Variants in RALGAPA1 observed in about 807,000 individuals in gnomAD.
RALGAPA1 encodes Ral GTPase activating protein catalytic subunit alpha 1.
A neutral mutation model predicts 269.6 loss-of-function variants in RALGAPA1; 52 were observed. The observed-to-expected ratio is 0.19, with a 90% CI of 0.15 to 0.24. The LOEUF is 0.24. Ranked by LOEUF, RALGAPA1 falls within the 10% of genes least tolerant of loss-of-function variation. The probability of loss-of-function intolerance (pLI) is 1.00; values close to 1 mark genes in which losing one functional copy is unlikely to be tolerated. For missense variants in RALGAPA1, 1,917 were observed against 3,013.9 expected, an observed-to-expected ratio of 0.64 and a Z score of 8.52; for synonymous variants, 817 against 1,008.3, an observed-to-expected ratio of 0.81 and a Z score of 3.60.
chr14:35,587,661 T>C (rs368983139), intron 37 of RALGAPA1, among the ~76,000 whole-genome samples: 23 of 151,630 alleles, frequency 1.5e-4, no homozygotes, highest in Middle Eastern at 3.4e-3. Flanking sequence ...TAGGTGAGAA[T>C]TGAACAATGA....
In RALGAPA1 at chr14:35,723,095, C is replaced by G; in HGVS notation, c.2036G>C (p.Ser679Thr). 2 of 1,609,654 alleles carry G rather than the reference C, an allele frequency of 1.2e-6. No homozygotes were observed. The highest frequency in any genetic ancestry group is 2.2e-5 in the East Asian group (1 of 44,820). ...LTKVLARNLY[S>T]LDLSDLPLDK... ...CAATGGTAAATCACTGAGATCCAAA[C>G]TATATAAATTCCTAGCTAAAACTTT... The change falls in exon 15 of 42, where the codon AGT becomes ACT. Residue 679 changes from serine (S) to threonine (T), a missense_variant. Physicochemically the swap from Ser to Thr is moderately conservative, Grantham distance 58. This residue lies in a region of RALGAPA1 where 40 missense variants were observed against 112.6 expected (regional missense o/e 0.36). Transcript: ENST00000680220.
At chr14:35,731,851 A>C (rs2070502162) in intron 12 of RALGAPA1, among the ~76,000 whole-genome samples, 1 of 152,244 alleles carries the variant, frequency 6.6e-6, no homozygotes, top group African/African-American at 2.4e-5. Flanking sequence ...GCCTTGATAG[A>C]GACCTACACA....
chr14:35,682,026 A>T (rs545114324), intron 21 of RALGAPA1, among the ~76,000 whole-genome samples: 45 of 152,326 alleles, frequency 3.0e-4, no homozygotes, highest in South Asian at 2.5e-3. Flanking sequence ...TATTCAATAA[A>T]TGAATATACT....
chr14:35,758,243 C>CAAAAAAAAAAAA (rs66473514), intron 6 of RALGAPA1, among the ~76,000 whole-genome samples: 5 of 49,746 alleles, frequency 1.0e-4, no homozygotes, highest in African/African-American at 1.5e-4. Context: ...GACTCTGTCT[C>CAAAAAAAAAAAA]AAAAAAAAAA....
intron 29 of RALGAPA1, among the ~76,000 whole-genome samples, chr14:35,655,381 G>A: frequency 6.6e-6 from 1 of 151,750 alleles, no homozygotes; most frequent in East Asian, 1.9e-4. Flanking sequence ...AAAAAATCTT[G>A]TCTGTCTACA....
At chr14:35,766,914 C>A in intron 4 of RALGAPA1, 1 of 414,726 alleles carries the variant, frequency 2.4e-6, no homozygotes. Context: ...GTGAGTAACC[C>A]TGTTGCACTC....
At chr14:35,759,374 G>C (rs2073486188) in intron 6 of RALGAPA1, among the ~76,000 whole-genome samples, 1 of 152,104 alleles carries the variant, frequency 6.6e-6, no homozygotes, top group South Asian at 2.1e-4. Context: ...CCCCAGTGTG[G>C]TTGCACTTGG....
chr14:35,745,426 C>G (rs748509092), intron 10 of RALGAPA1, among the ~76,000 whole-genome samples: 49 of 117,310 alleles, frequency 4.2e-4, no homozygotes, highest in East Asian at 8.2e-4. Context: ...CAGACAGACA[C>G]ACACACACAC....
Position 35,540,625 on chromosome 14 carries a change from T to G in RALGAPA1, c.*24-935A>C, listed in dbSNP as rs572940191. On this transcript the variant is annotated intron_variant, in intron 41 of 41. Transcript: ENST00000680220. Reference sequence around the variant, plus strand: ...TTCCTAAACAAAATGAGTAATTAATTAAAATCACATTAAAAATAAAAGTCC... The same window carrying G: ...TTCCTAAACAAAATGAGTAATTAATGAAAATCACATTAAAAATAAAAGTCC... Among the ~76,000 whole-genome samples, 500 of 152,260 alleles carry G rather than the reference T, an allele frequency of 3.3e-3. 3 individuals are homozygous for G. The highest frequency in any genetic ancestry group is 6.1e-3 in the Non-Finnish European group (412 of 68,004).
chr14:35,549,260 C>A (rs1594519716), intron 39 of RALGAPA1, 26 bp from the exon 40 acceptor site: 1 of 1,606,760 alleles, frequency 6.2e-7, no homozygotes, highest in East Asian at 2.2e-5. Context: ...TAAGGATAAA[C>A]TTAAGTGCAG....
chr14:35,775,096 T>A, intron 2 of RALGAPA1, 41 bp from the exon 3 acceptor site: 4 of 1,120,974 alleles, frequency 3.6e-6, no homozygotes, highest in Non-Finnish European at 4.0e-6. Context: ...ACATATCATT[T>A]TGTCCTCATA....
chr14:35,761,114 G>A, intron 5 of RALGAPA1, 108 bp from the exon 6 acceptor site: 2 of 742,194 alleles, frequency 2.7e-6, no homozygotes, highest in Non-Finnish European at 4.1e-6. Context: ...ACTTTCGAGA[G>A]GCAGGGTAGG....
At chr14:35,619,136 T>C (rs758017017) in intron 35 of RALGAPA1, among the ~76,000 whole-genome samples, 1 of 152,044 alleles carries the variant, frequency 6.6e-6, no homozygotes, top group African/African-American at 2.4e-5. Context: ...TATAAAGCTA[T>C]ATTAAAGTGT....
chr14:35,583,313 A>G (rs2058070888), intron 37 of RALGAPA1, among the ~76,000 whole-genome samples: 1 of 152,348 alleles, frequency 6.6e-6, no homozygotes, highest in Non-Finnish European at 1.5e-5. Flanking sequence ...TGGAACAGAA[A>G]TTTTAAAATG....
chr14:35,766,647 T>A (rs2074174448), intron 4 of RALGAPA1: 1 of 708,968 alleles, frequency 1.4e-6, no homozygotes, highest in Admixed American at 1.8e-5. Context: ...GTTCAATGAT[T>A]TTGTAAGAGG....
intron 36 of RALGAPA1, among the ~76,000 whole-genome samples, chr14:35,602,610 T>C (rs1287634345): frequency 1.3e-5 from 2 of 152,228 alleles, no homozygotes; most frequent in African/African-American, 2.4e-5. Context: ...ATATATCTTT[T>C]CTGGCGAAAT....
At chr14:35,730,142 T>A (rs1296056647) in intron 12 of RALGAPA1, among the ~76,000 whole-genome samples, 1 of 152,118 alleles carries the variant, frequency 6.6e-6, no homozygotes, top group Non-Finnish European at 1.5e-5. Flanking sequence ...AGGTCTAGTT[T>A]GTGGGAGAAA....
At chr14:35,753,220 A>G (rs2072885354) in intron 7 of RALGAPA1, among the ~76,000 whole-genome samples, 1 of 152,236 alleles carries the variant, frequency 6.6e-6, no homozygotes, top group Non-Finnish European at 1.5e-5. Flanking sequence ...AGGAACTTCC[A>G]CTAGACAAAT....
intron 1 of RALGAPA1, among the ~76,000 whole-genome samples, chr14:35,805,121 A>G (rs1022324949): frequency 1.5e-4 from 23 of 151,102 alleles, no homozygotes; most frequent in African/African-American, 5.1e-4. Context: ...CCCCATCTCT[A>G]TTAGGAATAC....
Sources: allele counts gnomAD v4.1 joint callset (sites outside exome capture counted in the v4.1 genomes callset), GRCh38; gene constraint gnomAD v4.1.1; regional missense constraint gnomAD v4.1.1; transcripts MANE v1.5; gene names NCBI Gene and HGNC (gene_info 2026-07-23, HGNC 2026-07-21).